The following PPM1L variants were observed in gnomAD, a reference collection of about 807,000 sequenced individuals.
The protein encoded by PPM1L is protein phosphatase 1L.
A neutral mutation model predicts 31.4 loss-of-function variants in PPM1L; 13 were observed. The ratio of observed to expected loss-of-function variants is 0.41; its 90% CI spans 0.27 to 0.66. The LOEUF (loss-of-function observed/expected upper bound fraction) is 0.66. Among genes scored for constraint, PPM1L ranks in the 30% least tolerant of loss-of-function variants. The probability of loss-of-function intolerance (pLI) is 0.29; values close to 1 mark genes in which losing one functional copy is unlikely to be tolerated. For synonymous variants in PPM1L, 184 were observed against 175.4 expected, an observed-to-expected ratio of 1.05 and a Z score of -0.39; for missense variants, 326 against 453.7, an observed-to-expected ratio of 0.72 and a Z score of 2.56.
chr3:160,954,349 G>A (rs537127924), intron 1 of PPM1L, among the ~76,000 whole-genome samples: 234 of 151,650 alleles, frequency 1.5e-3, no homozygotes, highest in African/African-American at 5.5e-3. Flanking sequence ...CACACATGAG[G>A]TATACAAACT....
intron 2 of PPM1L, among the ~76,000 whole-genome samples, chr3:161,044,063 G>A (rs975366616): frequency 1.8e-4 from 28 of 151,652 alleles, no homozygotes; most frequent in Admixed American, 8.5e-4. Context: ...TTTTTGAGAC[G>A]GAGTCTTGCT....
chr3:161,003,462 T>C (rs971072108), intron 2 of PPM1L, among the ~76,000 whole-genome samples: 4 of 151,818 alleles, frequency 2.6e-5, no homozygotes, highest in African/African-American at 9.7e-5. Flanking sequence ...TGATTCTTCC[T>C]ACCCATGAGC....
At position 161,003,148 on chromosome 3, in the gene PPM1L, T is replaced by A. The variant is rs200756338; in HGVS notation, c.574+41238T>A. Among the ~76,000 whole-genome samples, 1,511 of 152,142 alleles carry A rather than the reference T, an allele frequency of 9.9e-3. 45 individuals are homozygous for A. Among genetic ancestry groups the A allele is most frequent in the Admixed American group, 0.065 (1,000 of 15,270 alleles). Reference sequence around the variant, plus strand: ...AGGTTTGTCAAAGATCAGATAGTTGTAGATAGGTGGCGTTATTTCTGAGGG... The same window carrying A: ...AGGTTTGTCAAAGATCAGATAGTTGAAGATAGGTGGCGTTATTTCTGAGGG... On this transcript the variant is annotated intron_variant, in intron 2 of 3. Transcript: ENST00000498165.
chr3:160,944,868 GTTATATATAACATATATA>G lies in PPM1L; in HGVS notation c.400-16856_400-16839del, dbSNP rs1559897256. Among the ~76,000 whole-genome samples, 53 of 24,778 alleles carry G rather than the reference GTTATATATAACATATATA, an allele frequency of 2.1e-3. 2 individuals are homozygous for G. The highest frequency in any genetic ancestry group is 5.7e-3 in the African/African-American group (50 of 8,770). 16.3% of individuals were successfully genotyped at this position (24,778 alleles called of 152,430 possible). ...ATATATAACATATATTATATATAAT[GTTATATATAACATATATA>G]TTATATATAACTGATGTTACATATA... On this transcript the variant is annotated intron_variant, in intron 1 of 3. Coordinates refer to ENST00000498165, the MANE Select transcript of PPM1L (RefSeq NM_139245.4).
At chr3:160,848,007 G>A (rs993459674) in intron 1 of PPM1L, among the ~76,000 whole-genome samples, 1 of 152,254 alleles carries the variant, frequency 6.6e-6, no homozygotes, top group East Asian at 1.9e-4. Flanking sequence ...GTCTGATTAG[G>A]CATAGAGTAC....
rs1464103316 is a variant in PPM1L at position 160,756,814 on chromosome 3, G to T, written c.399+107G>T. 2 of 1,227,454 alleles carry T rather than the reference G, an allele frequency of 1.6e-6. No homozygotes were observed. Among genetic ancestry groups the T allele is most frequent in the Non-Finnish European group, 2.2e-6 (2 of 898,416 alleles). The allele number at this position is 1,227,454 out of a possible 1,614,324, so 76.0% of individuals were successfully genotyped here. A position where few individuals can be genotyped will look rare whatever the true frequency, so the allele number is the denominator to read the frequency against. On this transcript the variant is annotated intron_variant, in intron 1 of 3. Transcript: ENST00000498165. The surrounding 1 kb of genome is among the most constrained non-coding windows in gnomAD (Gnocchi z 6.2). ...GTATAAACAACAGGACAGCGTGTGC[G>T]CAGCGGGAGAGGATCTGGGTGCGAG...
At chr3:160,892,874 A>T (rs143955992) in intron 1 of PPM1L, among the ~76,000 whole-genome samples, 1 of 152,292 alleles carries the variant, frequency 6.6e-6, no homozygotes, top group South Asian at 2.1e-4. Context: ...TTAGATTCAC[A>T]GAATTCATTG....
intron 1 of PPM1L, among the ~76,000 whole-genome samples, chr3:160,850,314 G>A (rs1352377473): frequency 2.0e-5 from 3 of 152,324 alleles, no homozygotes; most frequent in East Asian, 3.9e-4. Context: ...CCCAGCAAGA[G>A]CAGTTTCAGT....
chr3:160,794,521 A>G (rs1215904263), intron 1 of PPM1L, among the ~76,000 whole-genome samples: 5 of 152,218 alleles, frequency 3.3e-5, no homozygotes, highest in Non-Finnish European at 7.3e-5. Context: ...GCATATTTTT[A>G]TTATTACTCC....
chr3:160,944,841 TTA>T (rs796146462), intron 1 of PPM1L, among the ~76,000 whole-genome samples: 289 of 25,220 alleles, frequency 0.011, 44 homozygotes, highest in Middle Eastern at 0.077. Context: ...CATATATATG[TTA>T]TATATAACAT....
chr3:160,994,631 G>A (rs1717247377), intron 2 of PPM1L, among the ~76,000 whole-genome samples: 1 of 152,124 alleles, frequency 6.6e-6, no homozygotes, highest in South Asian at 2.1e-4. Flanking sequence ...TTGCTATCAG[G>A]TATGTTTACC....
At chr3:160,954,853 A>G (rs547173186) in intron 1 of PPM1L, among the ~76,000 whole-genome samples, 2,257 of 30,702 alleles carry the variant, frequency 0.074, 57 homozygotes, top group African/African-American at 0.2. Context: ...GTCTAGGCCA[A>G]TGCTAGAAGA....
At chr3:160,798,783 A>G (rs966669134) in intron 1 of PPM1L, among the ~76,000 whole-genome samples, 15 of 152,182 alleles carry the variant, frequency 9.9e-5, no homozygotes, top group African/African-American at 3.6e-4. Context: ...TAGGAAATAC[A>G]TTTTGTAAGG....
At chr3:161,062,730 G>T (rs1719610894) in intron 2 of PPM1L, among the ~76,000 whole-genome samples, 1 of 152,190 alleles carries the variant, frequency 6.6e-6, no homozygotes, top group Non-Finnish European at 1.5e-5. Flanking sequence ...CTTGTTAGCT[G>T]TTAACACGTG....
intron 2 of PPM1L, among the ~76,000 whole-genome samples, chr3:161,053,129 A>AT (rs1012588995): frequency 1.1e-4 from 17 of 152,394 alleles, no homozygotes; most frequent in African/African-American, 3.8e-4. Flanking sequence ...TGTAGGAAGA[A>AT]TCAAAGCAAC....
chr3:161,016,719 C>G (rs1165939849), intron 2 of PPM1L, among the ~76,000 whole-genome samples: 2 of 151,994 alleles, frequency 1.3e-5, no homozygotes, highest in Admixed American at 1.3e-4. Flanking sequence ...TGGAGGCTAC[C>G]CTGGTAGGAC....
intron 2 of PPM1L, among the ~76,000 whole-genome samples, chr3:160,971,743 T>C (rs1322141130): frequency 1.3e-5 from 2 of 152,146 alleles, no homozygotes; most frequent in Non-Finnish European, 2.9e-5. Flanking sequence ...AATTCTTGCC[T>C]TCTGCCATGG....
intron 2 of PPM1L, among the ~76,000 whole-genome samples, chr3:161,005,555 C>T (rs1011812103): frequency 6.6e-6 from 1 of 152,120 alleles, no homozygotes; most frequent in African/African-American, 2.4e-5. Context: ...AGCTCTGGAA[C>T]CAGCCTTGCC....
chr3:160,811,329 T>C (rs938483074), intron 1 of PPM1L, among the ~76,000 whole-genome samples: 1 of 152,264 alleles, frequency 6.6e-6, no homozygotes, highest in Non-Finnish European at 1.5e-5. Flanking sequence ...TAATCAGCAC[T>C]ACAGTCCTCA....
Sources: allele counts gnomAD v4.1 joint callset (sites outside exome capture counted in the v4.1 genomes callset), GRCh38; gene constraint gnomAD v4.1.1; non-coding constraint Gnocchi (gnomAD v3.1); transcripts MANE v1.5; gene names NCBI Gene and HGNC (gene_info 2026-07-23, HGNC 2026-07-21).